DPP8: variants seen among roughly 807,000 people sequenced by gnomAD.
DPP8 encodes the protein dipeptidyl peptidase 8.
Under a neutral mutation model 107.5 loss-of-function variants are expected in DPP8, and 31 were observed. That is an observed-to-expected ratio of 0.29 (90% CI 0.22 to 0.39). DPP8 has a LOEUF of 0.39. Ranked by LOEUF, DPP8 falls within the 10% of genes least tolerant of loss-of-function variation. DPP8 has a pLI of 1.00. For missense variants in DPP8, 842 were observed against 1,076.1 expected (o/e 0.78, Z 3.04); for synonymous variants, 381 against 356.6 (o/e 1.07, Z -0.77).
At chr15:65,459,182 T>C (rs1322476712) in intron 15 of DPP8, among the ~76,000 whole-genome samples, 6 of 150,188 alleles carry the variant, frequency 4.0e-5, no homozygotes, top group African/African-American at 1.2e-4. Flanking sequence ...GATTCTTCTG[T>C]TTCTTCTCTT....
At chr15:65,471,828 C>G (rs2065924548) in intron 12 of DPP8, among the ~76,000 whole-genome samples, 1 of 152,132 alleles carries the variant, frequency 6.6e-6, no homozygotes, top group Non-Finnish European at 1.5e-5. Context: ...AACCTGGGAT[C>G]TGGATCTTCA....
Position 65,463,851 on chromosome 15 carries a change from T to C in DPP8, c.1881A>G (p.Gly627=), listed in dbSNP as rs754389779. ...TGTAGAGCATCCCATACAATGTAAA[T>C]CCAGTAGTACTTTCAAAAGAGAAAA... ...PEIFSFESTT[G]FTLYGMLYKP... is the part of the protein sequence containing the mutation. The change falls in exon 15 of 20, where the codon GGA becomes GGG. Residue 627 remains glycine (G), a synonymous_variant. Transcript: ENST00000300141. 1.5e-5 allele frequency: 24 copies of C among 1,601,788 alleles called. No homozygotes were observed.
chr15:65,491,038 C>T (rs998755210), intron 5 of DPP8, among the ~76,000 whole-genome samples: 2 of 151,666 alleles, frequency 1.3e-5, no homozygotes, highest in Admixed American at 6.6e-5. Context: ...GGAGCCTGTA[C>T]TCTCAGCTAC....
intron 8 of DPP8, 39 bp downstream of exon 8, chr15:65,485,060 C>T (rs1166993544): frequency 5.3e-6 from 8 of 1,512,108 alleles, no homozygotes; most frequent in Non-Finnish European, 7.4e-6. Context: ...ATAGATTAGT[C>T]AAATGACGCA....
intron 2 of DPP8, 75 bp downstream of exon 2, chr15:65,512,220 A>G: frequency 7.2e-7 from 1 of 1,387,056 alleles, no homozygotes; most frequent in Non-Finnish European, 9.9e-7. Flanking sequence ...CAAACTTTTG[A>G]GTGTCAATTA....
intron 14 of DPP8, 67 bp downstream of exon 14, chr15:65,466,611 G>GT (rs2065377553): frequency 7.2e-7 from 1 of 1,389,118 alleles, no homozygotes. Flanking sequence ...GTGAAAATAT[G>GT]ACACACGTTT....
chr15:65,489,743 G>T (rs578143859), intron 6 of DPP8, among the ~76,000 whole-genome samples: 4 of 151,338 alleles, frequency 2.6e-5, no homozygotes, highest in Admixed American at 6.6e-5. Context: ...TTGAGACAAA[G>T]TTTTGCTCTC....
chr15:65,506,253 C>T (rs1311053996), intron 3 of DPP8, among the ~76,000 whole-genome samples: 6 of 151,510 alleles, frequency 4.0e-5, no homozygotes, highest in South Asian at 2.1e-4. Context: ...CGCTTGAACC[C>T]GGGAGGCGGA....
intron 6 of DPP8, 142 bp from the exon 7 acceptor site, chr15:65,487,960 TCACTAGTCTTTGC>T (rs1488108333): frequency 2.9e-5 from 18 of 629,668 alleles, no homozygotes; most frequent in Non-Finnish European, 4.6e-5. Context: ...TAGGAAAATA[TCACTAGTCTTTGC>T]AGTAGCAAGG....
rs1251205514 is a variant in DPP8 at position 65,451,048 on chromosome 15, C to T, written c.2477G>A (p.Ser826Asn). The T allele has an allele frequency of 1.2e-6, 2 of 1,612,716 alleles. No homozygotes were observed. The highest frequency in any genetic ancestry group is 8.5e-7 in the Non-Finnish European group (1 of 1,179,160). The change falls in exon 19 of 20, where the codon AGT becomes AAT. Residue 826 changes from serine (S) to asparagine (N), a missense_variant. Ser to Asn is a conservative substitution (Grantham distance 46, BLOSUM62 1). Around this residue, in one of 2 missense-constraint regions of DPP8, gnomAD observed 179 missense variants for 318.0 expected, o/e 0.56. Coordinates refer to ENST00000300141, the MANE Select transcript of DPP8 (RefSeq NM_130434.5). ...LDENVHFAHT[S>N]ILLSFLVRAG... ...CCTCACTAAAAAACTCAGTAATATA[C>T]TGGTATGTGCAAAATGGACATTCTC...
At chr15:65,465,777 C>T (rs937008189) in intron 14 of DPP8, among the ~76,000 whole-genome samples, 1 of 150,916 alleles carries the variant, frequency 6.6e-6, no homozygotes, top group African/African-American at 2.4e-5. Context: ...AGGATGGTCT[C>T]GATCTCCTGA....
intron 5 of DPP8, among the ~76,000 whole-genome samples, chr15:65,492,649 G>A (rs1055756812): frequency 1.2e-4 from 18 of 151,980 alleles, no homozygotes; most frequent in African/African-American, 3.6e-4. Context: ...AGGGTAGAGC[G>A]CAGGGGTGAG....
At chr15:65,488,441 T>A (rs2067649707) in intron 6 of DPP8, among the ~76,000 whole-genome samples, 1 of 148,842 alleles carries the variant, frequency 6.7e-6, no homozygotes. Flanking sequence ...ACCCCATCTC[T>A]AAAAAAAAAT....
rs76221603 is a variant in DPP8, at chr15:65,458,244, A to T, written c.1972-1873T>A. 3.3e-5 allele frequency among the ~76,000 whole-genome samples: 5 copies of T among 151,908 alleles called. No individual in the cohort carries two copies. The East Asian group carries it at 7.7e-4, about 23-fold the overall frequency. On this transcript the variant is annotated intron_variant, in intron 15 of 19. Transcript: ENST00000300141. ...CAGTGTCTGGCACATTCTAGGAAACATAAGTATTTGTTACACAAACTTTTT... is the reference window on the plus strand; with the variant it reads ...CAGTGTCTGGCACATTCTAGGAAACTTAAGTATTTGTTACACAAACTTTTT...
chr15:65,468,383 T>C (rs1487978883), intron 12 of DPP8, among the ~76,000 whole-genome samples: 1 of 151,976 alleles, frequency 6.6e-6, no homozygotes, highest in East Asian at 1.9e-4. Flanking sequence ...TAGTCCCAGC[T>C]ACTTGGAAGG....
chr15:65,516,060 A>G, intron 1 of DPP8: 1 of 369,886 alleles, frequency 2.7e-6, no homozygotes, highest in Middle Eastern at 7.0e-4. Flanking sequence ...AAAACCATGG[A>G]AAGGCTTTAA....
chr15:65,463,617 A>G, intron 15 of DPP8, 144 bp downstream of exon 15: 1 of 619,544 alleles, frequency 1.6e-6, no homozygotes. Flanking sequence ...CCCTAAACTG[A>G]ATAATTGGAA....
At chr15:65,462,978 T>C (rs190677108) in intron 15 of DPP8, among the ~76,000 whole-genome samples, 16 of 152,308 alleles carry the variant, frequency 1.1e-4, no homozygotes, top group Non-Finnish European at 2.1e-4. Context: ...CTTACAGTGC[T>C]AAATAGTAGT....
intron 3 of DPP8, 94 bp from the exon 4 acceptor site, chr15:65,500,873 CT>C (rs781459910): frequency 0.12 from 40,013 of 327,606 alleles, 2 homozygotes; most frequent in South Asian, 0.18. Flanking sequence ...ATTATTGACT[CT>C]TTTTTTTTTT....
Sources: allele counts gnomAD v4.1 joint callset (sites outside exome capture counted in the v4.1 genomes callset), GRCh38; gene constraint gnomAD v4.1.1; regional missense constraint gnomAD v4.1.1; transcripts MANE v1.5; gene names NCBI Gene and HGNC (gene_info 2026-07-23, HGNC 2026-07-21).